CAPN12: variants seen among roughly 807,000 people sequenced by gnomAD.
CAPN12 encodes calpain-12.
Under a neutral mutation model 95.0 loss-of-function variants are expected in CAPN12, and 107 were observed. The ratio of observed to expected loss-of-function variants is 1.13; its 90% confidence interval spans 0.96 to 1.32. The LOEUF (loss-of-function observed/expected upper bound fraction) is 1.32. CAPN12 is among the 40% of genes most tolerant of loss of function. The pLI is 0.00. For missense variants in CAPN12, 1,136 were observed against 997.8 expected (o/e 1.14, Z -1.87); for synonymous variants, 505 against 415.5 (o/e 1.22, Z -2.62).
chr19:38,735,085 G>A (rs1969923468), intron 14 of CAPN12: 2 of 605,264 alleles, frequency 3.3e-6, no homozygotes, highest in East Asian at 5.5e-5. Context: ...CTGGGGCAGG[G>A]GGGTGGTCAG....
Position 38,730,940 on chromosome 19 carries a change from ACCCTGT to A in CAPN12, c.2133+19_2133+24del. ...GAGCTCGCAGGACAGAGCCTGAGCC[ACCCTGT>A]CCCTCCCACCTGGCTCACCTGTCTG... On this transcript the variant is annotated intron_variant, in intron 20 of 20. Coordinates refer to ENST00000328867, the MANE Select transcript of CAPN12 (RefSeq NM_144691.4). The A allele has an allele frequency of 6.5e-7, 1 of 1,550,304 alleles. No homozygotes were observed. The highest frequency in any genetic ancestry group is 8.7e-7 in the Non-Finnish European group (1 of 1,146,994).
Position 38,736,570 on chromosome 19 carries a change from G to GAAGCAA in CAPN12, c.1363-13_1363-8dup. 1 of 1,605,358 alleles carries GAAGCAA rather than the reference G, an allele frequency of 6.2e-7. No homozygotes were observed. The highest frequency in any genetic ancestry group is 8.5e-7 in the Non-Finnish European group (1 of 1,176,600). On this transcript the variant is annotated splice_region_variant and splice_polypyrimidine_tract_variant and intron_variant, in intron 10 of 20. Coordinates refer to ENST00000328867, the MANE Select transcript of CAPN12 (RefSeq NM_144691.4). ...GACTCACCTCCTCTGGAATCTGAAA[G>GAAGCAA]AAGCAAGAGCAAGGGGCGTCGGGGC... is the stretch of plus-strand genomic sequence containing the variant.
rs1010170708 is a variant in CAPN12, at chr19:38,741,504, C to T, written c.560+273G>A. ...AGGAGAATCGCTGGAACCTGGGAGG[C>T]AGAGGTTGCAGTGAGCCAAGATCGC... On this transcript the variant is annotated intron_variant, in intron 4 of 20. Coordinates refer to ENST00000328867, the MANE Select transcript of CAPN12 (RefSeq NM_144691.4). 2.0e-5 allele frequency among the ~76,000 whole-genome samples: 3 copies of T among 150,618 alleles called. No homozygotes were observed. In the South Asian group the frequency reaches 6.3e-4, roughly 32 times the overall value.
At chr19:38,734,485 G>A in intron 15 of CAPN12, 96 bp from the exon 16 acceptor site, 5 of 1,080,870 alleles carry the variant, frequency 4.6e-6, no homozygotes, top group East Asian at 2.5e-5. Context: ...AGGTGATGTT[G>A]TCAGTCCCAT....
chr19:38,736,606 T>TCGGGGCAGG (rs765550386), intron 10 of CAPN12, 43 bp from the exon 11 acceptor site: 503 of 1,496,766 alleles, frequency 3.4e-4, no homozygotes, highest in Admixed American at 1.0e-3. Flanking sequence ...AGGGGAGAGG[T>TCGGGGCAGG]GGCCGCCGCT....
intron 16 of CAPN12, 54 bp from the exon 17 acceptor site, chr19:38,734,258 G>A (rs376498318): frequency 1.6e-5 from 25 of 1,607,890 alleles, no homozygotes; most frequent in African/African-American, 6.7e-5. Context: ...AGAAGGGGAG[G>A]AGAGACCCCA....
chr19:38,741,497 T>C (rs1033356656), intron 4 of CAPN12, among the ~76,000 whole-genome samples: 1 of 150,360 alleles, frequency 6.7e-6, no homozygotes, highest in African/African-American at 2.5e-5. Flanking sequence ...CGCTGGAACC[T>C]GGGAGGCAGA....
rs148606134 is a variant in CAPN12 at position 38,742,481 on chromosome 19, G to T, written c.355C>A (p.Arg119=). The T allele has an allele frequency of 6.2e-7, 1 of 1,613,690 alleles. No homozygotes were observed. Among genetic ancestry groups the T allele is most frequent in the Middle Eastern group, 1.7e-4 (1 of 6,060 alleles). ...AAAASLTLYP[R]LLRRVVPPGQ... The stretch of plus-strand genomic sequence containing the variant: ...GGAGGGACCACCCGGCGCAGGAGCC[G>T]GGGATACAGAGTAAGGGAGGCGGCA... The change falls in exon 3 of 21, where the codon CGG becomes AGG. Residue 119 remains arginine (R), a synonymous_variant. Transcript: ENST00000328867.
chr19:38,730,316 C>T lies in CAPN12; in HGVS notation c.*536G>A, dbSNP rs1460374420. 6.1e-6 allele frequency: 1 copy of T among 165,266 alleles called. No individual in the cohort carries two copies. The highest frequency in any genetic ancestry group is 2.4e-5 in the African/African-American group (1 of 41,456). The allele number at this position is 165,266 out of a possible 1,614,324, so 10.2% of individuals were successfully genotyped here. Reference sequence around the variant, plus strand: ...ACATAGCCGATTCTCTGCCCGGGCCCCTTGCTGATGCTCCTCCGGGTCTGC... The same window carrying T: ...ACATAGCCGATTCTCTGCCCGGGCCTCTTGCTGATGCTCCTCCGGGTCTGC... On this transcript the variant is annotated 3_prime_UTR_variant, in exon 21 of 21. Coordinates refer to ENST00000328867, the MANE Select transcript of CAPN12 (RefSeq NM_144691.4).
intron 18 of CAPN12, chr19:38,733,349 C>A (rs1054918413): frequency 4.2e-6 from 1 of 240,062 alleles, no homozygotes; most frequent in Non-Finnish European, 8.1e-6. Context: ...ATTCCAACCC[C>A]GGTGCACCAG....
Position 38,736,200 on chromosome 19 carries a change from C to T in CAPN12, c.1493G>A (p.Gly498Asp). Reference protein sequence around the residue: ...DVTRRCCLRPGHYLVVPSTAH... With the variant: ...DVTRRCCLRPDHYLVVPSTAH... ...GGTGCTCGGCACCACCAGGTAGTGG[C>T]CTGGACGCAGGCAGCAGCGGCGGGT... Residue 498 changes from glycine (G) to aspartate (D), a missense_variant, in exon 12 of 21, where the codon GGC becomes GAC. Transcript: ENST00000328867. The T allele has an allele frequency of 6.6e-7, 1 of 1,510,554 alleles. No homozygotes were observed. The highest frequency in any genetic ancestry group is 2.7e-5 in the East Asian group (1 of 37,058). 93.6% of individuals were successfully genotyped at this position (1,510,554 alleles called of 1,614,324 possible).
At position 38,738,163 on chromosome 19, in the gene CAPN12, T is replaced by G. The variant is rs986207945; in HGVS notation, c.965+110A>C. The G allele has an allele frequency of 2.8e-6, 3 of 1,088,854 alleles. No individual in the cohort carries two copies. The African/African-American group carries it at 4.7e-5, about 17-fold the overall frequency. The allele number at this position is 1,088,854 out of a possible 1,614,324, so 67.4% of individuals were successfully genotyped here. The stretch of plus-strand genomic sequence containing the variant: ...AACCTGGCCCCAAAATTACCACCGA[T>G]GTACACAGTTTCTCCCTATTAGGAC... On this transcript the variant is annotated intron_variant, in intron 8 of 20. Transcript: ENST00000328867.
chr19:38,739,828 G>A (rs1021959834), intron 5 of CAPN12: 3 of 459,128 alleles, frequency 6.5e-6, no homozygotes, highest in Non-Finnish European at 1.1e-5. Context: ...CACAGAATGA[G>A]AAATAAACAT....
Position 38,735,403 on chromosome 19 carries a change from C to T in CAPN12, c.1653G>A (p.Gly551=). 6.2e-7 allele frequency: 1 copy of T among 1,608,442 alleles called. No homozygotes were observed. Among genetic ancestry groups the T allele is most frequent in the African/African-American group, 1.3e-5 (1 of 74,864 alleles). The change falls in exon 14 of 21, where the codon GGG becomes GGA. Residue 551 remains glycine, a synonymous_variant. Transcript: ENST00000328867. Reference sequence around the variant, plus strand: ...CCAGCTCCTGAAACAGCTGCTCCAACCCCAGCTCCAGGGGCAGGTAGGGGC... The same window carrying T: ...CCAGCTCCTGAAACAGCTGCTCCAATCCCAGCTCCAGGGGCAGGTAGGGGC... ...LQGPYLPLEL[G]LEQLFQELAG...
rs35807146 is a variant in CAPN12 at position 38,734,262 on chromosome 19, G to A, written c.1815+57C>T. 103,349 of 1,605,754 alleles carry A rather than the reference G, an allele frequency of 0.064. 3,655 individuals are homozygous for A. The highest frequency in any genetic ancestry group is 0.1 in the South Asian group (9,212 of 90,530). On this transcript the variant is annotated intron_variant, in intron 16 of 20. Coordinates refer to ENST00000328867, the MANE Select transcript of CAPN12 (RefSeq NM_144691.4). ...TCAATCTCTCCAGAAGGGGAGGAGA[G>A]ACCCCAACGTCCCCTTCCCCACTCC...
chr19:38,743,213 A>G lies in CAPN12; in HGVS notation c.238-111T>C. ...AAAGGCCTGGAAGCCTGTGGGCAGG[A>G]GCATGGCTTCCCTGGGTCTCCAGAA... On this transcript the variant is annotated intron_variant, in intron 1 of 20. Transcript: ENST00000328867. 3 of 1,255,414 alleles carry G rather than the reference A, an allele frequency of 2.4e-6. No homozygotes were observed. The South Asian group carries it at 3.7e-5, about 16-fold the overall frequency. The allele number at this position is 1,255,414 out of a possible 1,614,324, so 77.8% of individuals were successfully genotyped here.
Position 38,741,838 on chromosome 19 carries a change from A to T in CAPN12, c.499T>A (p.Phe167Ile). ...RLPVREGKLM[F>I]VRSEQRNEFW... ...TCATTCCGCTGTTCCGAGCGCACGA[A>T]CATCAGCTTCCCCTCACGCACGGGC... Residue 167 changes from phenylalanine to isoleucine, a missense_variant, in exon 4 of 21, where the codon TTC becomes ATC. Coordinates refer to ENST00000328867, the MANE Select transcript of CAPN12 (RefSeq NM_144691.4). 1 of 1,614,096 alleles carries T rather than the reference A, an allele frequency of 6.2e-7. No individual in the cohort carries two copies. Among genetic ancestry groups the T allele is most frequent in the Non-Finnish European group, 8.5e-7 (1 of 1,180,028 alleles).
rs1568758732 is a variant in CAPN12, at chr19:38,730,408, TTGA to T, written c.*441_*443del. 1 of 184,662 alleles carries T rather than the reference TTGA, an allele frequency of 5.4e-6. No homozygotes were observed. Among genetic ancestry groups the T allele is most frequent in the East Asian group, 1.5e-4 (1 of 6,790 alleles). 11.4% of individuals were successfully genotyped at this position (184,662 alleles called of 1,614,324 possible). Reference sequence around the variant, plus strand: ...GGCTGATGGCCTGGCTGCCTGGTGGTTGATGGTTTTGCTCCCCCTACCTTTTTT... The same window carrying T: ...GGCTGATGGCCTGGCTGCCTGGTGGTTGGTTTTGCTCCCCCTACCTTTTTT... On this transcript the variant is annotated 3_prime_UTR_variant, in exon 21 of 21. Coordinates refer to ENST00000328867, the MANE Select transcript of CAPN12 (RefSeq NM_144691.4).
At position 38,735,008 on chromosome 19, in the gene CAPN12, A is replaced by ACAGGGC. The variant is rs965005523; in HGVS notation, c.1687-144_1687-139dup. The ACAGGGC allele has an allele frequency of 1.0e-5, 8 of 762,110 alleles. No homozygotes were observed. In the African/African-American group the frequency reaches 1.4e-4, roughly 13 times the overall value. 47.2% of individuals were successfully genotyped at this position (762,110 alleles called of 1,614,324 possible). On this transcript the variant is annotated intron_variant, in intron 14 of 20. Coordinates refer to ENST00000328867, the MANE Select transcript of CAPN12 (RefSeq NM_144691.4). ...GAGTGGGGGAGACAGACCTGTCCCC[A>ACAGGGC]CAGGGCCAGGGCTGTGACGGGGGAA...
Sources: gnomAD v4.1 joint callset for allele counts (sites outside exome capture counted in the v4.1 genomes callset) on GRCh38, gnomAD v4.1.1 for gene constraint, MANE v1.5 for transcripts, NCBI Gene and HGNC (gene_info 2026-07-23, HGNC 2026-07-21) for gene names.